CREB5: variants seen among roughly 807,000 people sequenced by gnomAD.
CREB5 encodes cAMP responsive element binding protein 5.
In CREB5, 19 loss-of-function variants were observed where a neutral mutation model predicts 57.1. The observed-to-expected ratio is 0.33, with a 90% CI of 0.23 to 0.49. The LOEUF (loss-of-function observed/expected upper bound fraction) is 0.49. Ranked by LOEUF, CREB5 falls within the 20% of genes least tolerant of loss-of-function variation. CREB5 has a pLI of 0.99. For missense variants in CREB5, 579 were observed against 671.6 expected (o/e 0.86, Z 1.52); for synonymous variants, 238 against 238.3 (o/e 1.00, Z 0.01).
chr7:28,327,626 A>G (rs1692730384), intron 1 of CREB5, among the ~76,000 whole-genome samples: 1 of 152,154 alleles, frequency 6.6e-6, no homozygotes, highest in Non-Finnish European at 1.5e-5. Context: ...TGCCTTTGCA[A>G]TCTGATCTCT....
chr7:28,498,854 C>T (rs11971533), intron 3 of CREB5, among the ~76,000 whole-genome samples: 32,376 of 152,054 alleles, frequency 0.21, 3,932 homozygotes, highest in African/African-American at 0.33. Flanking sequence ...ATGTGAATCA[C>T]TCTCTTCAGC....
intron 1 of CREB5, among the ~76,000 whole-genome samples, chr7:28,380,365 T>C (rs1359351959): frequency 2.0e-5 from 3 of 152,172 alleles, no homozygotes; most frequent in Non-Finnish European, 4.4e-5. Context: ...TGCTGCCTAC[T>C]CCACTGTGCC....
chr7:28,704,007 G>A (rs1288584321), intron 5 of CREB5, among the ~76,000 whole-genome samples: 1 of 152,162 alleles, frequency 6.6e-6, no homozygotes, highest in Non-Finnish European at 1.5e-5. Context: ...CTACTATGAA[G>A]TAGTGAAATG....
intron 6 of CREB5, among the ~76,000 whole-genome samples, chr7:28,719,644 AT>A (rs1376056580): frequency 6.6e-6 from 1 of 152,230 alleles, no homozygotes; most frequent in Admixed American, 6.5e-5. Flanking sequence ...AGACTGAGGT[AT>A]AGACAGGCTG....
At chr7:28,504,438 G>T (rs975077247) in intron 3 of CREB5, among the ~76,000 whole-genome samples, 1 of 152,180 alleles carries the variant, frequency 6.6e-6, no homozygotes, top group African/African-American at 2.4e-5. Flanking sequence ...ATTGAGTATT[G>T]ATAGGAGGCC....
Position 28,442,221 on chromosome 7 carries a change from G to C in CREB5, c.3+29304G>C, listed in dbSNP as rs560257441. 2.0e-5 allele frequency among the ~76,000 whole-genome samples: 3 copies of C among 152,126 alleles called. No homozygotes were observed. In the South Asian group the frequency reaches 6.2e-4, roughly 32 times the overall value. On this transcript the variant is annotated intron_variant, in intron 1 of 10. Transcript: ENST00000357727. ...TATCTTCCTGTGCCTGACTTATTTT[G>C]TTTAGCATAATGTCCCCCGGGCTTA...
intron 5 of CREB5, among the ~76,000 whole-genome samples, chr7:28,634,507 C>T (rs1057094730): frequency 6.6e-6 from 1 of 152,124 alleles, no homozygotes; most frequent in Non-Finnish European, 1.5e-5. Flanking sequence ...TCCTGCCATT[C>T]ATTGCTCAAA....
At chr7:28,497,797 A>G (rs1792117243) in intron 3 of CREB5, among the ~76,000 whole-genome samples, 1 of 152,062 alleles carries the variant, frequency 6.6e-6, no homozygotes, top group East Asian at 1.9e-4. Context: ...GAAATCCTTC[A>G]GTGTTTATTT....
chr7:28,753,298 A>G (rs1225352587), intron 7 of CREB5, among the ~76,000 whole-genome samples: 1 of 152,220 alleles, frequency 6.6e-6, no homozygotes, highest in Admixed American at 6.5e-5. Flanking sequence ...TGTTCAAGTG[A>G]TCACAATACC....
chr7:28,802,743 C>G (rs531031101), intron 7 of CREB5, among the ~76,000 whole-genome samples: 1 of 152,248 alleles, frequency 6.6e-6, no homozygotes, highest in Non-Finnish European at 1.5e-5. Context: ...TGATTATCAA[C>G]TGAATCTTTA....
intron 5 of CREB5, among the ~76,000 whole-genome samples, chr7:28,691,647 AGAGGCACCTT>A (rs1295252734): frequency 6.6e-6 from 1 of 152,114 alleles, no homozygotes; most frequent in Admixed American, 6.5e-5. Flanking sequence ...CTGGGGTCCA[AGAGGCACCTT>A]GAGAGTTCCA....
At chr7:28,572,719 A>G (rs1296515933) in intron 5 of CREB5, among the ~76,000 whole-genome samples, 1 of 152,142 alleles carries the variant, frequency 6.6e-6, no homozygotes, top group East Asian at 1.9e-4. Flanking sequence ...AATAAAGTTT[A>G]AGATGAGTGC....
chr7:28,477,780 G>A (rs778957020), intron 1 of CREB5, among the ~76,000 whole-genome samples: 5 of 152,084 alleles, frequency 3.3e-5, no homozygotes, highest in Admixed American at 6.5e-5. Context: ...AGATATGAAG[G>A]ACTTTTCTAG....
intron 5 of CREB5, among the ~76,000 whole-genome samples, chr7:28,575,523 C>T (rs1317933911): frequency 6.6e-6 from 1 of 152,224 alleles, no homozygotes; most frequent in Non-Finnish European, 1.5e-5. Context: ...ATGAGTAAGA[C>T]TGTCGCTATC....
At chr7:28,613,620 C>T (rs1019506076) in intron 5 of CREB5, among the ~76,000 whole-genome samples, 8 of 152,108 alleles carry the variant, frequency 5.3e-5, no homozygotes, top group African/African-American at 1.7e-4. Flanking sequence ...TTTCATTCAC[C>T]GATTACTGGT....
upstream of CREB5, chr7:28,410,394 C>G (rs1337529244): frequency 4.4e-6 from 2 of 456,762 alleles, no homozygotes; most frequent in South Asian, 3.1e-5. Flanking sequence ...GAGTCTCCCC[C>G]TGCGGCAGAT....
intron 1 of CREB5, among the ~76,000 whole-genome samples, chr7:28,335,046 T>C (rs538455779): frequency 2.0e-5 from 3 of 152,310 alleles, no homozygotes; most frequent in Middle Eastern, 3.4e-3. Context: ...CTCTATTCTG[T>C]TCCCTTGGTC....
At chr7:28,365,121 C>T (rs577032730) in intron 1 of CREB5, among the ~76,000 whole-genome samples, 1 of 152,302 alleles carries the variant, frequency 6.6e-6, no homozygotes, top group South Asian at 2.1e-4. Flanking sequence ...CGAATTGCAT[C>T]TCCTCTAGAA....
At chr7:28,802,303 C>T (rs1244789157) in intron 7 of CREB5, among the ~76,000 whole-genome samples, 1 of 151,982 alleles carries the variant, frequency 6.6e-6, no homozygotes, top group Admixed American at 6.6e-5. Flanking sequence ...AGTCTACCAT[C>T]CTTTCCTCTT....
Sources: allele counts gnomAD v4.1 joint callset (sites outside exome capture counted in the v4.1 genomes callset), GRCh38; gene constraint gnomAD v4.1.1; transcripts MANE v1.5; gene names NCBI Gene and HGNC (gene_info 2026-07-23, HGNC 2026-07-21).